The following WWTR1 variants were observed in gnomAD, a reference collection of about 807,000 sequenced individuals.
WWTR1 encodes the protein WW domain-containing transcription regulator protein 1.
In WWTR1, 13 loss-of-function variants were observed where a neutral mutation model predicts 40.1. The observed-to-expected ratio is 0.32, with a 90% confidence interval of 0.21 to 0.52. WWTR1 has a LOEUF of 0.52. Ranked by LOEUF, WWTR1 falls within the 20% of genes least tolerant of loss-of-function variation. WWTR1 has a pLI of 0.97. For missense variants in WWTR1, 436 were observed against 523.1 expected, an observed-to-expected ratio of 0.83 and a Z score of 1.63; for synonymous variants, 230 against 210.1, an observed-to-expected ratio of 1.09 and a Z score of -0.82.
At chr3:149,610,041 T>C (rs1017482830) in intron 2 of WWTR1, among the ~76,000 whole-genome samples, 17 of 152,184 alleles carry the variant, frequency 1.1e-4, no homozygotes, top group Non-Finnish European at 1.5e-4. Context: ...GAAAAGTAGC[T>C]AGTAGTGAGT....
intron 2 of WWTR1, among the ~76,000 whole-genome samples, chr3:149,654,685 G>C (rs1029904152): frequency 1.3e-5 from 2 of 152,008 alleles, no homozygotes; most frequent in Non-Finnish European, 2.9e-5. Context: ...TTTTTGTTTT[G>C]CTTTTGTTTC....
At chr3:149,686,461 G>A (rs1714657091) in intron 1 of WWTR1, among the ~76,000 whole-genome samples, 1 of 152,048 alleles carries the variant, frequency 6.6e-6, no homozygotes, top group African/African-American at 2.4e-5. Flanking sequence ...CAAGGCTATG[G>A]TCATACCAAT....
At chr3:149,635,604 G>A (rs1020513482) in intron 2 of WWTR1, among the ~76,000 whole-genome samples, 8 of 151,824 alleles carry the variant, frequency 5.3e-5, no homozygotes, top group East Asian at 1.9e-4. Context: ...AAGAGGAAGC[G>A]GAAGAGGGAG....
intron 2 of WWTR1, among the ~76,000 whole-genome samples, chr3:149,589,201 G>A (rs1738584578): frequency 6.6e-6 from 1 of 152,134 alleles, no homozygotes; most frequent in Non-Finnish European, 1.5e-5. Context: ...CTGCAATACT[G>A]TTATTGCTGT....
intron 2 of WWTR1, among the ~76,000 whole-genome samples, chr3:149,598,985 T>C (rs1283801634): frequency 1.3e-5 from 2 of 152,244 alleles, no homozygotes; most frequent in East Asian, 3.8e-4. Context: ...ATAAGAACAA[T>C]TTTAATGATA....
chr3:149,551,763 A>C (rs1736626677), intron 3 of WWTR1, among the ~76,000 whole-genome samples: 1 of 145,278 alleles, frequency 6.9e-6, no homozygotes. Flanking sequence ...AGGGCAGCAG[A>C]ACTCAAATTT....
chr3:149,683,446 C>A (rs570509388), intron 1 of WWTR1, among the ~76,000 whole-genome samples: 1 of 152,206 alleles, frequency 6.6e-6, no homozygotes, highest in Non-Finnish European at 1.5e-5. Flanking sequence ...GTAATCCCAG[C>A]ACTTTGGGAG....
chr3:149,580,925 T>C (rs1319841723), intron 2 of WWTR1, among the ~76,000 whole-genome samples: 1 of 152,194 alleles, frequency 6.6e-6, no homozygotes, highest in African/African-American at 2.4e-5. Flanking sequence ...ATATTAAGAT[T>C]AGTAGCCATC....
intron 5 of WWTR1, among the ~76,000 whole-genome samples, chr3:149,717,111 G>A (rs770860044): frequency 6.6e-6 from 1 of 152,134 alleles, no homozygotes; most frequent in Non-Finnish European, 1.5e-5. Context: ...AGGCTGCAGC[G>A]AGCTGAGATT....
At chr3:149,591,176 TCCACTATGA>T (rs925028432) in intron 2 of WWTR1, among the ~76,000 whole-genome samples, 1 of 152,124 alleles carries the variant, frequency 6.6e-6, no homozygotes, top group Non-Finnish European at 1.5e-5. Context: ...ACGCCAACTC[TCCACTATGA>T]CCTAAAAGGA....
At chr3:149,623,076 T>C (rs1381724458) in intron 2 of WWTR1, among the ~76,000 whole-genome samples, 1 of 152,094 alleles carries the variant, frequency 6.6e-6, no homozygotes, top group Non-Finnish European at 1.5e-5. Context: ...TGAGAATGTT[T>C]ATCAGCTGGG....
At chr3:149,656,661 T>G (rs796923933) in intron 2 of WWTR1, among the ~76,000 whole-genome samples, 26 of 152,238 alleles carry the variant, frequency 1.7e-4, no homozygotes, top group African/African-American at 6.3e-4. Flanking sequence ...TTCTGATCCC[T>G]GCTTCTGATC....
chr3:149,638,265 A>G (rs1711950165), intron 2 of WWTR1, among the ~76,000 whole-genome samples: 1 of 152,168 alleles, frequency 6.6e-6, no homozygotes, highest in African/African-American at 2.4e-5. Context: ...CCGTGAGCAT[A>G]AAAGGAGAGA....
At chr3:149,628,295 G>A (rs1416300059) in intron 2 of WWTR1, among the ~76,000 whole-genome samples, 1 of 152,188 alleles carries the variant, frequency 6.6e-6, no homozygotes, top group African/African-American at 2.4e-5. Context: ...GTGTGGACCC[G>A]GGAGGCAGAG....
intron 5 of WWTR1, among the ~76,000 whole-genome samples, chr3:149,711,976 C>T (rs1017359939): frequency 6.6e-6 from 1 of 152,170 alleles, no homozygotes; most frequent in Non-Finnish European, 1.5e-5. Flanking sequence ...ATGTTAACTT[C>T]TTGAAATCAA....
chr3:149,665,227 C>CTTTT lies in WWTR1; in HGVS notation c.-4+4557_-4+4560dup, dbSNP rs11398199. ...GGGAAATTAGAAATTTCCTTTCTTT[C>CTTTT]TTTTTTTTTTTTTTTTTGAGACAGA... On this transcript the variant is annotated intron_variant, in intron 2 of 7. Transcript: ENST00000465804. 9.2e-4 allele frequency among the ~76,000 whole-genome samples: 118 copies of CTTTT among 128,246 alleles called. 3 individuals are homozygous for CTTTT. Among genetic ancestry groups the CTTTT allele is most frequent in the African/African-American group, 2.7e-3 (91 of 34,298 alleles). 84.1% of individuals were successfully genotyped at this position (128,246 alleles called of 152,430 possible). A position where few individuals can be genotyped will look rare whatever the true frequency, so the allele number is the denominator to read the frequency against.
chr3:149,637,237 T>G (rs1711875487), intron 2 of WWTR1, among the ~76,000 whole-genome samples: 1 of 151,846 alleles, frequency 6.6e-6, no homozygotes, highest in Non-Finnish European at 1.5e-5. Context: ...TATGTTTTTT[T>G]TTTTTTGAGA....
At position 149,687,437 on chromosome 3, in the gene WWTR1, T is replaced by TA. The variant is rs552606475; in HGVS notation, c.-108+15686dup. On this transcript the variant is annotated intron_variant, in intron 1 of 7. Coordinates refer to the WWTR1 transcript ENST00000465804. ...ATGCCTGACATTCAACCTGTAATAT[T>TA]AGAGGCAAAAAGATTTTTTAAAAAG... 6.6e-4 allele frequency among the ~76,000 whole-genome samples: 100 copies of TA among 152,298 alleles called. 1 individual carries two copies. The South Asian group carries it at 9.1e-3, about 14-fold the overall frequency.
chr3:149,695,878 C>T (rs1483708839), intron 1 of WWTR1, among the ~76,000 whole-genome samples: 5 of 149,984 alleles, frequency 3.3e-5, no homozygotes, highest in African/African-American at 7.3e-5. Flanking sequence ...TTTGGGAGGC[C>T]GAGGCGGGTG....
Sources: allele counts gnomAD v4.1 joint callset (sites outside exome capture counted in the v4.1 genomes callset), GRCh38; gene constraint gnomAD v4.1.1; transcripts MANE v1.5; gene names NCBI Gene and HGNC (gene_info 2026-07-23, HGNC 2026-07-21).